The following OR10K1 variants were observed in gnomAD, a reference collection of about 807,000 sequenced individuals.
OR10K1 encodes the protein olfactory receptor family 10 subfamily K member 1.
For missense variants in OR10K1, 404 were observed against 373.3 expected (o/e 1.08, Z -0.68); for synonymous variants, 186 against 152.5 (o/e 1.22, Z -1.62).
In OR10K1 at chr1:158,466,513, T is replaced by G. The variant is rs1557873074; in HGVS notation, c.*10T>G. 6.4e-7 allele frequency: 1 copy of G among 1,560,790 alleles called. No individual in the cohort carries two copies. Among genetic ancestry groups the G allele is most frequent in the Non-Finnish European group, 8.8e-7 (1 of 1,132,406 alleles). On this transcript the variant is annotated 3_prime_UTR_variant, in exon 2 of 2. Transcript: ENST00000641535. ...CTATCCTCTTAGTTAAAGAGCTATT[T>G]TTTAAACTACTAATGCCTAGTACAT... is the stretch of plus-strand genomic sequence containing the variant.
chr1:158,467,399 A>G lies in OR10K1; in HGVS notation c.*896A>G, dbSNP rs534574950. The G allele has an allele frequency of 6.6e-6, 1 of 152,286 alleles. No individual in the cohort carries two copies. The highest frequency in any genetic ancestry group is 1.9e-4 in the East Asian group (1 of 5,186). The allele number at this position is 152,286 out of a possible 1,614,324, so 9.4% of individuals were successfully genotyped here. A position where few individuals can be genotyped will look rare whatever the true frequency, so the allele number is the denominator to read the frequency against. ...AGTTTCCACCTACCTCTTCAGTATT[A>G]TCATTTCTAATTTTGTTATTCTCCA... is the stretch of plus-strand genomic sequence containing the variant. On this transcript the variant is annotated 3_prime_UTR_variant, in exon 2 of 2. Transcript: ENST00000641535.
rs114077332 is a variant in OR10K1 at position 158,465,033 on chromosome 1, T to C, written c.-156-373T>C. On this transcript the variant is annotated intron_variant, in intron 1 of 1. Transcript: ENST00000641535. The stretch of plus-strand genomic sequence containing the variant: ...ATTTCTTATTGTTCCCTTGGAGATA[T>C]AAAAAGTTCCCAGTAAATAGATGTG... Among the ~76,000 whole-genome samples the C allele has an allele frequency of 6.7e-3, 1,019 of 152,344 alleles. 10 individuals carry two copies. Among genetic ancestry groups the C allele is most frequent in the African/African-American group, 0.023 (973 of 41,574 alleles).
chr1:158,464,304 T>C (rs924382227), intron 1 of OR10K1, among the ~76,000 whole-genome samples: 9 of 152,186 alleles, frequency 5.9e-5, no homozygotes, highest in Non-Finnish European at 1.0e-4. Context: ...TAATTTGTAA[T>C]GGCAGTTTGC....
intron 1 of OR10K1, 58 bp from the exon 2 acceptor site, chr1:158,465,348 G>A (rs1285868761): frequency 3.4e-6 from 2 of 586,172 alleles, no homozygotes; most frequent in Non-Finnish European, 3.0e-6. Flanking sequence ...CATTAGAGAA[G>A]GCCTCCAAAC....
Position 158,465,805 on chromosome 1 carries a change from C to A in OR10K1, c.244C>A (p.Leu82Met). ...CYTFVIVPKM[L>M]VDLLSQKKTI... is the part of the protein sequence containing the mutation. ...TACCTTTGTCATTGTACCCAAGATG[C>A]TGGTTGACCTGCTGTCCCAGAAGAA... Residue 82 changes from leucine (L) to methionine (M), a missense_variant, in exon 2 of 2, where the codon CTG becomes ATG. Physicochemically the swap from Leu to Met is conservative, Grantham distance 15 (BLOSUM62 2). Transcript: ENST00000641535. The A allele has an allele frequency of 1.2e-6, 2 of 1,614,240 alleles. No individual in the cohort carries two copies. Among genetic ancestry groups the A allele is most frequent in the Non-Finnish European group, 1.7e-6 (2 of 1,180,038 alleles).
chr1:158,464,878 G>T (rs183116028), intron 1 of OR10K1, among the ~76,000 whole-genome samples: 13 of 152,210 alleles, frequency 8.5e-5, no homozygotes, highest in African/African-American at 3.1e-4. Flanking sequence ...TGAACCCCTG[G>T]CCTCAAGCAA....
In OR10K1 at chr1:158,466,183, G is replaced by T. The variant is rs1656035518; in HGVS notation, c.622G>T (p.Val208Phe). The T allele has an allele frequency of 8.1e-6, 13 of 1,614,074 alleles. No homozygotes were observed. The highest frequency in any genetic ancestry group is 9.3e-6 in the Non-Finnish European group (11 of 1,180,002). Reference protein sequence around the residue: ...VIFMLGVFALVIPLLLILVSY... With the variant: ...VIFMLGVFALFIPLLLILVSY... ...ATTCATGCTTGGTGTATTTGCCTTGGTCATTCCTCTGCTACTTATCCTAGT... is the reference window on the plus strand; with the variant it reads ...ATTCATGCTTGGTGTATTTGCCTTGTTCATTCCTCTGCTACTTATCCTAGT... The change falls in exon 2 of 2, where the codon GTC becomes TTC. Residue 208 changes from valine (V) to phenylalanine (F), a missense_variant. Transcript: ENST00000641535.
Position 158,466,337 on chromosome 1 carries a change from A to G in OR10K1, c.776A>G (p.Tyr259Cys), listed in dbSNP as rs1407055156. 1 of 1,614,030 alleles carries G rather than the reference A, an allele frequency of 6.2e-7. No individual in the cohort carries two copies. Among genetic ancestry groups the G allele is most frequent in the East Asian group, 2.2e-5 (1 of 44,878 alleles). The change falls in exon 2 of 2, where the codon TAC (tyrosine) becomes TGC (cysteine). Residue 259 changes from tyrosine to cysteine, a missense_variant. Physicochemically the swap from Tyr to Cys is radical, Grantham distance 194. Coordinates refer to ENST00000641535, the MANE Select transcript of OR10K1 (RefSeq NM_001004473.2). Reference sequence around the variant, plus strand: ...CACTACAGTTGTGCCTCTTTCATCTACTTAAGGCCCAAGACTAATTACACT... The same window carrying G: ...CACTACAGTTGTGCCTCTTTCATCTGCTTAAGGCCCAAGACTAATTACACT... ...TVHYSCASFI[Y>C]LRPKTNYTSS...
At chr1:158,465,137 T>G (rs777751800) in intron 1 of OR10K1, among the ~76,000 whole-genome samples, 8 of 152,224 alleles carry the variant, frequency 5.3e-5, no homozygotes, top group Admixed American at 3.9e-4. Flanking sequence ...GAAGTCCACA[T>G]GATTATGTCT....
chr1:158,465,834 C>A lies in OR10K1; in HGVS notation c.273C>A (p.Thr91=), dbSNP rs1176719574. 6.2e-7 allele frequency: 1 copy of A among 1,614,174 alleles called. No individual in the cohort carries two copies. The change falls in exon 2 of 2, where the codon ACC becomes ACA. Residue 91 remains threonine (T), a synonymous_variant. Transcript: ENST00000641535. The part of the protein sequence containing the change: ...MLVDLLSQKK[T]ISFLGCAIQM... ...TTGACCTGCTGTCCCAGAAGAAGAC[C>A]ATTTCTTTCCTGGGCTGTGCCATCC...
intron 1 of OR10K1, among the ~76,000 whole-genome samples, chr1:158,463,285 G>A (rs1655963733): frequency 6.6e-6 from 1 of 152,094 alleles, no homozygotes; most frequent in Non-Finnish European, 1.5e-5. Context: ...CTGGTCTTAA[G>A]TCTTTCTATC....
At position 158,466,561 on chromosome 1, in the gene OR10K1, T is replaced by C. The variant is rs529541024; in HGVS notation, c.*58T>C. The C allele has an allele frequency of 6.2e-5, 66 of 1,061,964 alleles. No individual in the cohort carries two copies. The African/African-American group carries it at 1.1e-3, about 18-fold the overall frequency. 65.8% of individuals were successfully genotyped at this position (1,061,964 alleles called of 1,614,324 possible). A position where few individuals can be genotyped will look rare whatever the true frequency, so the allele number is the denominator to read the frequency against. ...CATGCCAGGCAGAACGTGTGTTTTATACATTTTTTTTCATTTAATTGTCCA... is the reference window on the plus strand; with the variant it reads ...CATGCCAGGCAGAACGTGTGTTTTACACATTTTTTTTCATTTAATTGTCCA... On this transcript the variant is annotated 3_prime_UTR_variant, in exon 2 of 2. Coordinates refer to ENST00000641535, the MANE Select transcript of OR10K1 (RefSeq NM_001004473.2).
At chr1:158,464,777 T>C (rs1182381009) in intron 1 of OR10K1, among the ~76,000 whole-genome samples, 3 of 152,070 alleles carry the variant, frequency 2.0e-5, no homozygotes, top group Non-Finnish European at 4.4e-5. Flanking sequence ...GCCTCCCGAG[T>C]AGCTGGGATT....
intron 1 of OR10K1, among the ~76,000 whole-genome samples, chr1:158,464,828 T>A (rs1312333815): frequency 6.6e-6 from 1 of 152,074 alleles, no homozygotes; most frequent in Non-Finnish European, 1.5e-5. Flanking sequence ...TTTGTACTTT[T>A]AGTAAAGACC....
chr1:158,463,703 A>G (rs1009444624), intron 1 of OR10K1, among the ~76,000 whole-genome samples: 1 of 152,232 alleles, frequency 6.6e-6, no homozygotes, highest in African/African-American at 2.4e-5. Flanking sequence ...AGCAATGACC[A>G]TAAGTTTAGA....
intron 1 of OR10K1, among the ~76,000 whole-genome samples, chr1:158,464,074 G>T (rs944468589): frequency 6.6e-6 from 1 of 152,088 alleles, no homozygotes; most frequent in African/African-American, 2.4e-5. Flanking sequence ...CTATTGAATA[G>T]AAAAATGGAA....
At chr1:158,464,903 C>T (rs1011217295) in intron 1 of OR10K1, among the ~76,000 whole-genome samples, 4 of 152,226 alleles carry the variant, frequency 2.6e-5, no homozygotes, top group Admixed American at 2.0e-4. Context: ...CCCACCTTGG[C>T]TTCTCAAAGT....
rs1384667474 is a variant in OR10K1, at chr1:158,466,088, ACTT to A, written c.533_535del (p.Phe178del). On this transcript the variant is annotated inframe_deletion, in exon 2 of 2. Coordinates refer to ENST00000641535, the MANE Select transcript of OR10K1 (RefSeq NM_001004473.2). ...TTCCACTCCTCCAACCAGCTCCATC[ACTT>A]CTTCTGTGACATCTCCCCTGTCCTT... 1 of 1,613,728 alleles carries A rather than the reference ACTT, an allele frequency of 6.2e-7. No individual in the cohort carries two copies. Among genetic ancestry groups the A allele is most frequent in the Admixed American group, 1.7e-5 (1 of 59,980 alleles).
chr1:158,466,518 A>G lies in OR10K1; in HGVS notation c.*15A>G. 1 of 1,512,640 alleles carries G rather than the reference A, an allele frequency of 6.6e-7. No homozygotes were observed. Among genetic ancestry groups the G allele is most frequent in the Non-Finnish European group, 9.2e-7 (1 of 1,088,462 alleles). 93.7% of individuals were successfully genotyped at this position (1,512,640 alleles called of 1,614,324 possible). A position where few individuals can be genotyped will look rare whatever the true frequency, so the allele number is the denominator to read the frequency against. On this transcript the variant is annotated 3_prime_UTR_variant, in exon 2 of 2. Transcript: ENST00000641535. The stretch of plus-strand genomic sequence containing the variant: ...CTCTTAGTTAAAGAGCTATTTTTTA[A>G]ACTACTAATGCCTAGTACATGCCAG...
Sources: allele counts gnomAD v4.1 joint callset (sites outside exome capture counted in the v4.1 genomes callset), GRCh38; gene constraint gnomAD v4.1.1; transcripts MANE v1.5; gene names NCBI Gene and HGNC (gene_info 2026-07-23, HGNC 2026-07-21).